Variants in DLGAP2 observed in about 807,000 individuals in gnomAD.
DLGAP2 encodes the protein disks large-associated protein 2.
A neutral mutation model predicts 100.3 loss-of-function variants in DLGAP2; 26 were observed. The observed-to-expected ratio is 0.26, with a 90% CI of 0.19 to 0.36. DLGAP2 has a LOEUF of 0.36. Among genes scored for constraint, DLGAP2 ranks in the 10% least tolerant of loss-of-function variants. DLGAP2 has a pLI of 1.00. For synonymous variants in DLGAP2, 886 were observed against 630.1 expected, an observed-to-expected ratio of 1.41 and a Z score of -6.08; for missense variants, 1,858 against 1,453.2, an observed-to-expected ratio of 1.28 and a Z score of -4.53.
chr8:792,576 C>T (rs546785803), intron 1 of DLGAP2, among the ~76,000 whole-genome samples: 1 of 152,092 alleles, frequency 6.6e-6, no homozygotes, highest in African/African-American at 2.4e-5. Flanking sequence ...TTTACAGGAA[C>T]GTGAAGTAGA....
At chr8:964,593 C>T (rs1799802014) in intron 2 of DLGAP2, among the ~76,000 whole-genome samples, 1 of 152,248 alleles carries the variant, frequency 6.6e-6, no homozygotes, top group African/African-American at 2.4e-5. Flanking sequence ...CGCGGGAAGC[C>T]AGAGAGCGTG....
intron 2 of DLGAP2, among the ~76,000 whole-genome samples, chr8:1,123,467 T>G (rs1263639354): frequency 6.6e-6 from 1 of 152,166 alleles, no homozygotes; most frequent in Non-Finnish European, 1.5e-5. Context: ...AGGTTCCTCA[T>G]AGTATTTTCC....
chr8:1,434,601 C>A (rs545673810), intron 3 of DLGAP2, among the ~76,000 whole-genome samples: 1 of 152,156 alleles, frequency 6.6e-6, no homozygotes, highest in Admixed American at 6.5e-5. Context: ...TTCAAGTTCC[C>A]GAGTAGCTGG....
intron 3 of DLGAP2, chr8:1,368,886 G>T (rs182302400): frequency 6.6e-6 from 1 of 152,156 alleles, no homozygotes; most frequent in African/African-American, 2.4e-5. Flanking sequence ...AATTGACTGC[G>T]ATGGCTCTAA....
chr8:791,850 C>A (rs910922743), intron 1 of DLGAP2, among the ~76,000 whole-genome samples: 5 of 152,198 alleles, frequency 3.3e-5, no homozygotes, highest in African/African-American at 1.2e-4. Context: ...CCTGTTCCCT[C>A]TCCACACACA....
chr8:1,351,096 G>A (rs538975236), intron 3 of DLGAP2, among the ~76,000 whole-genome samples: 6 of 16,200 alleles, frequency 3.7e-4, no homozygotes, highest in African/African-American at 1.9e-3. Flanking sequence ...TGCGGGTCCT[G>A]ACTGTGTGTG....
intron 4 of DLGAP2, among the ~76,000 whole-genome samples, chr8:1,534,464 G>A (rs1801085591): frequency 6.6e-6 from 1 of 152,204 alleles, no homozygotes; most frequent in South Asian, 2.1e-4. Flanking sequence ...CAATTAAGTT[G>A]CAAATGTGCT....
chr8:1,192,708 C>G (rs1257673149), intron 2 of DLGAP2, among the ~76,000 whole-genome samples: 1 of 149,610 alleles, frequency 6.7e-6, no homozygotes, highest in Admixed American at 6.7e-5. Context: ...TTTTAGGGTA[C>G]GTGTGCACAA....
intron 1 of DLGAP2, among the ~76,000 whole-genome samples, chr8:836,569 G>C (rs1796880346): frequency 6.6e-6 from 1 of 152,224 alleles, no homozygotes; most frequent in Non-Finnish European, 1.5e-5. Flanking sequence ...ACCCTCTGCA[G>C]GCCAGCGTCT....
At chr8:1,287,041 G>C (rs1458328062) in intron 3 of DLGAP2, among the ~76,000 whole-genome samples, 1 of 152,198 alleles carries the variant, frequency 6.6e-6, no homozygotes, top group African/African-American at 2.4e-5. Context: ...GTTCAACTCA[G>C]TGTTGTGTGT....
At chr8:806,613 CG>C (rs1230195462) in intron 1 of DLGAP2, among the ~76,000 whole-genome samples, 5 of 152,172 alleles carry the variant, frequency 3.3e-5, no homozygotes. Context: ...CTTCCTTGCT[CG>C]GCTGCTCCTG....
chr8:751,854 C>T (rs1820798875), intron 1 of DLGAP2, among the ~76,000 whole-genome samples: 2 of 151,818 alleles, frequency 1.3e-5, no homozygotes, highest in Admixed American at 1.3e-4. Flanking sequence ...ATAGGAAGTT[C>T]ATCTGACACT....
At chr8:1,007,873 G>T (rs78001772) in intron 2 of DLGAP2, among the ~76,000 whole-genome samples, 3,516 of 152,148 alleles carry the variant, frequency 0.023, 127 homozygotes, top group African/African-American at 0.081. Flanking sequence ...TTATGGCAAG[G>T]TCATTTTAAA....
chr8:870,174 C>G, intron 1 of DLGAP2, among the ~76,000 whole-genome samples: 1 of 152,108 alleles, frequency 6.6e-6, no homozygotes, highest in East Asian at 1.9e-4. Context: ...ATGGCTATTT[C>G]TTTCCTCCAA....
chr8:1,509,641 TA>T (rs1800087698), intron 4 of DLGAP2, among the ~76,000 whole-genome samples: 1 of 152,142 alleles, frequency 6.6e-6, no homozygotes, highest in Non-Finnish European at 1.5e-5. Context: ...CCTCCGCACA[TA>T]CACTGGAACT....
At chr8:1,523,977 G>T (rs548871041) in intron 4 of DLGAP2, among the ~76,000 whole-genome samples, 1 of 152,194 alleles carries the variant, frequency 6.6e-6, no homozygotes, top group Non-Finnish European at 1.5e-5. Flanking sequence ...AATTCGTTTG[G>T]AGACTCCGCC....
At position 1,238,324 on chromosome 8, in the gene DLGAP2, T is replaced by TTGTCTAGTTCTCTCTCACACAGAGCATCG; in HGVS notation, c.74-20512_74-20484dup. ...CTAGTTCTCTCTCACATATAGCGTC[T>TTGTCTAGTTCTCTCTCACACAGAGCATCG]TGTCTAGTTCTCTCTCACACAGAGC... On this transcript the variant is annotated intron_variant, in intron 2 of 14. Coordinates refer to ENST00000637795, the MANE Select transcript of DLGAP2 (RefSeq NM_001346810.2). Among the ~76,000 whole-genome samples, 22 of 5,652 alleles carry TTGTCTAGTTCTCTCTCACACAGAGCATCG rather than the reference T, an allele frequency of 3.9e-3. 8 individuals are homozygous for TTGTCTAGTTCTCTCTCACACAGAGCATCG. Among genetic ancestry groups the TTGTCTAGTTCTCTCTCACACAGAGCATCG allele is most frequent in the African/African-American group, 0.036 (22 of 616 alleles). The allele number at this position is 5,652 out of a possible 152,430, so 3.7% of individuals were successfully genotyped here. A position where few individuals can be genotyped will look rare whatever the true frequency, so the allele number is the denominator to read the frequency against.
chr8:774,594 A>G (rs1821459651), intron 1 of DLGAP2, among the ~76,000 whole-genome samples: 1 of 150,004 alleles, frequency 6.7e-6, no homozygotes, highest in Admixed American at 6.6e-5. Context: ...AGCACCATTT[A>G]TTAAATAGGG....
intron 6 of DLGAP2, among the ~76,000 whole-genome samples, chr8:1,615,960 T>G (rs947665404): frequency 2.6e-5 from 4 of 152,210 alleles, no homozygotes; most frequent in African/African-American, 9.6e-5. Flanking sequence ...GCAGCCGTTG[T>G]AAGGTCTTAT....
Sources: allele counts gnomAD v4.1 joint callset (sites outside exome capture counted in the v4.1 genomes callset), GRCh38; gene constraint gnomAD v4.1.1; transcripts MANE v1.5; gene names NCBI Gene and HGNC (gene_info 2026-07-23, HGNC 2026-07-21).